Variants in DRC11 observed in about 807,000 individuals in gnomAD.
The protein encoded by DRC11 is dynein regulatory complex subunit 11, also known as IQ and AAA domain-containing protein 1.
At chr2:236,492,989 A>T in the DRC11 span, among the ~76,000 whole-genome samples, 13 of 152,336 alleles carry the variant, frequency 8.5e-5, no homozygotes, top group South Asian at 2.7e-3. Context: ...AGTGTCACTC[A>T]ATGTATTAGT....
chr2:236,366,202 C>T, the DRC11 span, among the ~76,000 whole-genome samples: 7 of 152,122 alleles, frequency 4.6e-5, no homozygotes. Context: ...ACTTCCTGGG[C>T]TTCCTCTTCT....
the DRC11 span, among the ~76,000 whole-genome samples, chr2:236,458,784 G>A: frequency 1.8e-4 from 28 of 152,094 alleles, no homozygotes; most frequent in Non-Finnish European, 3.7e-4. Flanking sequence ...GGTGGCTTAC[G>A]CCTGTAATCC....
chr2:236,455,832 T>C, the DRC11 span, among the ~76,000 whole-genome samples: 1 of 152,190 alleles, frequency 6.6e-6, no homozygotes, highest in Non-Finnish European at 1.5e-5. The surrounding 1 kb of genome is among the most constrained non-coding windows in gnomAD (Gnocchi z 5.7). Flanking sequence ...TTGCTGGCAA[T>C]CTGGAGGCAT....
At chr2:236,402,325 T>G in the DRC11 span, among the ~76,000 whole-genome samples, 1 of 152,234 alleles carries the variant, frequency 6.6e-6, no homozygotes, top group Non-Finnish European at 1.5e-5. This position sits in a 1 kb window ranked among gnomAD's most constrained non-coding sequence, Gnocchi z 6.0. Flanking sequence ...CCCTGCTGAC[T>G]CTCATCTGTG....
At chr2:236,439,791 T>A in the DRC11 span, among the ~76,000 whole-genome samples, 1 of 152,212 alleles carries the variant, frequency 6.6e-6, no homozygotes. Context: ...TCTTGACATT[T>A]TTTTCCAACA....
At chr2:236,341,855 C>G in the DRC11 span, among the ~76,000 whole-genome samples, 2 of 152,232 alleles carry the variant, frequency 1.3e-5, no homozygotes, top group Non-Finnish European at 2.9e-5. Context: ...TTTTGTGTCA[C>G]AGGGAAAACA....
the DRC11 span, among the ~76,000 whole-genome samples, chr2:236,449,627 T>G: frequency 6.6e-6 from 1 of 152,212 alleles, no homozygotes. The surrounding 1 kb of genome is among the most constrained non-coding windows in gnomAD (Gnocchi z 5.1). Flanking sequence ...ACTACTCTAT[T>G]CAATTCATGT....
the DRC11 span, among the ~76,000 whole-genome samples, chr2:236,440,584 C>T: frequency 6.6e-6 from 1 of 152,162 alleles, no homozygotes; most frequent in Non-Finnish European, 1.5e-5. Flanking sequence ...AGGCAAGGAG[C>T]TGGGTCTTGA....
At chr2:236,434,840 G>A in the DRC11 span, among the ~76,000 whole-genome samples, 4 of 152,094 alleles carry the variant, frequency 2.6e-5, no homozygotes, top group African/African-American at 9.7e-5. This position sits in a 1 kb window ranked among gnomAD's most constrained non-coding sequence, Gnocchi z 5.5. Context: ...GCTTGCCATG[G>A]ACTTTCAAGA....
At chr2:236,355,747 CTCTG>C in the DRC11 span, among the ~76,000 whole-genome samples, 43 of 106,398 alleles carry the variant, frequency 4.0e-4, no homozygotes, top group African/African-American at 1.1e-3. Context: ...CTCTCTCTCT[CTCTG>C]TGTGTGTGTG....
At chr2:236,377,261 C>G in the DRC11 span, 8 of 847,930 alleles carry the variant, frequency 9.4e-6, no homozygotes, top group Non-Finnish European at 1.6e-5. The surrounding 1 kb of genome is among the most constrained non-coding windows in gnomAD (Gnocchi z 4.9). Context: ...TGATCACATA[C>G]GCGGAGAACT....
chr2:236,383,998 C>G, the DRC11 span, among the ~76,000 whole-genome samples: 2 of 152,152 alleles, frequency 1.3e-5, no homozygotes, highest in Non-Finnish European at 2.9e-5. Context: ...ATGAACTCAT[C>G]ATTTTTTATG....
chr2:236,456,406 T>C, the DRC11 span, among the ~76,000 whole-genome samples: 7 of 152,072 alleles, frequency 4.6e-5, no homozygotes, highest in Non-Finnish European at 1.0e-4. This position sits in a 1 kb window ranked among gnomAD's most constrained non-coding sequence, Gnocchi z 5.4. Context: ...CCTCTGCATG[T>C]GTGTGGCATT....
chr2:236,474,535 GT>G, the DRC11 span, among the ~76,000 whole-genome samples: 1 of 152,140 alleles, frequency 6.6e-6, no homozygotes, highest in African/African-American at 2.4e-5. Flanking sequence ...AATAGAAGTT[GT>G]TGAATCCCAA....
At chr2:236,363,078 G>C in the DRC11 span, among the ~76,000 whole-genome samples, 1 of 152,210 alleles carries the variant, frequency 6.6e-6, no homozygotes, top group Non-Finnish European at 1.5e-5. The surrounding 1 kb of genome is among the most constrained non-coding windows in gnomAD (Gnocchi z 5.6). Context: ...CCACCATGTA[G>C]GCTTTGATAC....
At chr2:236,347,786 T>G in the DRC11 span, among the ~76,000 whole-genome samples, 2 of 150,696 alleles carry the variant, frequency 1.3e-5, no homozygotes, top group African/African-American at 4.9e-5. Context: ...TGCACCAAAA[T>G]CTCACAAATC....
the DRC11 span, among the ~76,000 whole-genome samples, chr2:236,464,985 A>G: frequency 6.6e-6 from 1 of 152,184 alleles, no homozygotes; most frequent in Non-Finnish European, 1.5e-5. Flanking sequence ...TAGAGCCTTG[A>G]GCCAATTAAG....
the DRC11 span, chr2:236,392,385 A>C: frequency 8.3e-7 from 1 of 1,201,118 alleles, no homozygotes; most frequent in Admixed American, 2.7e-5. The surrounding 1 kb of genome is among the most constrained non-coding windows in gnomAD (Gnocchi z 5.1). Context: ...AAGAAAAAGA[A>C]AAAATTTTAA....
chr2:236,365,515 CG>C, the DRC11 span, among the ~76,000 whole-genome samples: 608 of 151,840 alleles, frequency 4.0e-3, 20 homozygotes, highest in Admixed American at 0.031. The surrounding 1 kb of genome is among the most constrained non-coding windows in gnomAD (Gnocchi z 7.4). Flanking sequence ...AGGTGCCAGG[CG>C]GGTGCTGGCT....
Sources: gnomAD v4.1 joint callset for allele counts (sites outside exome capture counted in the v4.1 genomes callset) on GRCh38, gnomAD v4.1.1 for gene constraint, Gnocchi (gnomAD v3.1) non-coding constraint, MANE v1.5 for transcripts, NCBI Gene and HGNC (gene_info 2026-07-23, HGNC 2026-07-21) for gene names.